The following OPCML variants were observed in gnomAD, a reference collection of about 807,000 sequenced individuals.
OPCML encodes opioid-binding protein/cell adhesion molecule.
OPCML carries 13 observed loss-of-function variants against 37.8 expected under a neutral mutation model. The observed-to-expected ratio is 0.34, with a 90% CI of 0.22 to 0.55. The LOEUF (loss-of-function observed/expected upper bound fraction) is 0.55, where lower values mean the gene tolerates loss of function less well. OPCML is among the 20% of genes least tolerant of loss of function. OPCML has a pLI of 0.91. For synonymous variants in OPCML, 176 were observed against 168.8 expected, an observed-to-expected ratio of 1.04 and a Z score of -0.33; for missense variants, 341 against 435.6, an observed-to-expected ratio of 0.78 and a Z score of 1.93.
At chr11:133,031,334 GATGGGTGTATGA>G (rs1176512294) in intron 1 of OPCML, among the ~76,000 whole-genome samples, 1 of 152,082 alleles carries the variant, frequency 6.6e-6, no homozygotes, top group Admixed American at 6.5e-5. Flanking sequence ...TGGATGGATT[GATGGGTGTATGA>G]ATGGGTGGAT....
chr11:133,191,746 G>T (rs528266195), intron 1 of OPCML, among the ~76,000 whole-genome samples: 1 of 152,094 alleles, frequency 6.6e-6, no homozygotes, highest in Non-Finnish European at 1.5e-5. Flanking sequence ...CACACACCTT[G>T]GCCTCCCAAA....
chr11:132,978,058 G>A (rs1946502534), intron 1 of OPCML, among the ~76,000 whole-genome samples: 1 of 152,178 alleles, frequency 6.6e-6, no homozygotes, highest in Non-Finnish European at 1.5e-5. Context: ...TGGAGGAATG[G>A]TGTTGAGAAA....
chr11:132,859,754 T>C (rs1942218171), intron 2 of OPCML, among the ~76,000 whole-genome samples: 1 of 152,252 alleles, frequency 6.6e-6, no homozygotes, highest in African/African-American at 2.4e-5. Flanking sequence ...ATTATCTTCC[T>C]AATTACACTT....
chr11:132,457,007 G>A (rs575601184), intron 4 of OPCML, among the ~76,000 whole-genome samples: 1 of 152,316 alleles, frequency 6.6e-6, no homozygotes, highest in African/African-American at 2.4e-5. Flanking sequence ...ATGCATGGGG[G>A]GAGGGATGCC....
intron 1 of OPCML, among the ~76,000 whole-genome samples, chr11:132,971,973 A>G (rs1255477295): frequency 6.6e-6 from 1 of 152,148 alleles, no homozygotes; most frequent in Non-Finnish European, 1.5e-5. Flanking sequence ...GGCAAGCATC[A>G]ATGTGGAGTC....
In OPCML at chr11:133,173,474, T is replaced by C. The variant is rs944945029; in HGVS notation, c.62-230464A>G. ...TAAATGAGCAACCACTAGCCACAGA[T>C]GGATTCCTAGAATCTACAGCAGAGT... On this transcript the variant is annotated intron_variant, in intron 1 of 7. Coordinates refer to ENST00000524381, the MANE Select transcript of OPCML (RefSeq NM_001012393.5). This position sits in a 1 kb window ranked among gnomAD's most constrained non-coding sequence, Gnocchi z 7.8. Among the ~76,000 whole-genome samples the C allele has an allele frequency of 1.3e-5, 2 of 152,182 alleles. No individual in the cohort carries two copies. The highest frequency in any genetic ancestry group is 2.4e-5 in the African/African-American group (1 of 41,448).
At chr11:132,847,007 C>A (rs1168570931) in intron 2 of OPCML, among the ~76,000 whole-genome samples, 2 of 152,142 alleles carry the variant, frequency 1.3e-5, no homozygotes, top group Admixed American at 6.5e-5. Context: ...AGATGTTCCC[C>A]CCAATGCCTG....
At chr11:133,309,070 G>A in intron 1 of OPCML, among the ~76,000 whole-genome samples, 1 of 152,170 alleles carries the variant, frequency 6.6e-6, no homozygotes, top group East Asian at 1.9e-4. Flanking sequence ...AGCACCATTA[G>A]AAGTTTACAG....
intron 3 of OPCML, among the ~76,000 whole-genome samples, chr11:132,600,480 T>C (rs188652443): frequency 3.3e-5 from 5 of 152,216 alleles, no homozygotes; most frequent in Non-Finnish European, 5.9e-5. Flanking sequence ...GTTTATTTTG[T>C]ATGAGAGGGG....
intron 1 of OPCML, among the ~76,000 whole-genome samples, chr11:133,261,357 C>T (rs527591039): frequency 2.0e-5 from 3 of 152,216 alleles, no homozygotes; most frequent in African/African-American, 7.2e-5. Context: ...TCTGTCCCCC[C>T]CATCTTTCCA....
intron 1 of OPCML, among the ~76,000 whole-genome samples, chr11:133,396,650 G>A (rs1290356948): frequency 1.3e-5 from 2 of 152,222 alleles, no homozygotes; most frequent in East Asian, 1.9e-4. Context: ...CAAGGGATGC[G>A]GTGATAATAC....
At chr11:133,100,224 C>T (rs1156299519) in intron 1 of OPCML, among the ~76,000 whole-genome samples, 3 of 152,072 alleles carry the variant, frequency 2.0e-5, no homozygotes, top group South Asian at 4.1e-4. Flanking sequence ...GTACCATGCT[C>T]GCTACCTGCA....
rs1439093584 is a variant in OPCML, at chr11:133,005,022, C to T, written c.62-62012G>A. On this transcript the variant is annotated intron_variant, in intron 1 of 7. Coordinates refer to ENST00000524381, the MANE Select transcript of OPCML (RefSeq NM_001012393.5). ...ACTCCTCCCATCCCTCCTTTCTCAG[C>T]ATTGGTGGCAGCCGTGAGAGCCTGG... 1.7e-5 allele frequency: 17 copies of T among 985,260 alleles called. No homozygotes were observed. The South Asian group carries it at 6.6e-4, about 38-fold the overall frequency. The allele number at this position is 985,260 out of a possible 1,614,324, so 61.0% of individuals were successfully genotyped here. A position where few individuals can be genotyped will look rare whatever the true frequency, so the allele number is the denominator to read the frequency against.
chr11:133,302,555 C>T (rs1302743195), intron 1 of OPCML: 1 of 152,204 alleles, frequency 6.6e-6, no homozygotes, highest in African/African-American at 2.4e-5. Flanking sequence ...GTAGGATTCA[C>T]ACTGGCATTC....
chr11:132,434,819 T>C (rs2096007908), intron 7 of OPCML, among the ~76,000 whole-genome samples: 1 of 152,176 alleles, frequency 6.6e-6, no homozygotes, highest in Non-Finnish European at 1.5e-5. Flanking sequence ...TATCTATTAA[T>C]CCAGTTGGTC....
chr11:133,091,348 G>A (rs896455902), intron 1 of OPCML, among the ~76,000 whole-genome samples: 3 of 152,202 alleles, frequency 2.0e-5, no homozygotes, highest in African/African-American at 7.2e-5. Context: ...CTAGAGCCAC[G>A]TGTAGTGGAG....
chr11:133,265,564 C>T (rs1053859146), intron 1 of OPCML, among the ~76,000 whole-genome samples: 1 of 152,192 alleles, frequency 6.6e-6, no homozygotes, highest in Non-Finnish European at 1.5e-5. Context: ...CGCTTAAGAA[C>T]ACAACGTCCC....
At chr11:133,001,157 C>A (rs1315106663) in intron 1 of OPCML, among the ~76,000 whole-genome samples, 2 of 152,160 alleles carry the variant, frequency 1.3e-5, no homozygotes, top group Non-Finnish European at 2.9e-5. Context: ...TGCAAACTGA[C>A]TGACACATGG....
intron 1 of OPCML, among the ~76,000 whole-genome samples, chr11:133,251,729 C>T (rs747619611): frequency 1.3e-5 from 2 of 152,128 alleles, no homozygotes; most frequent in African/African-American, 4.8e-5. Context: ...CCTAAATGCA[C>T]CAGGCATTCG....
Sources: allele counts gnomAD v4.1 joint callset (sites outside exome capture counted in the v4.1 genomes callset), GRCh38; gene constraint gnomAD v4.1.1; non-coding constraint Gnocchi (gnomAD v3.1); transcripts MANE v1.5; gene names NCBI Gene and HGNC (gene_info 2026-07-23, HGNC 2026-07-21).